The following FAM110B variants were observed in gnomAD, a reference collection of about 807,000 sequenced individuals.
FAM110B encodes protein FAM110B.
A neutral mutation model predicts 20.4 loss-of-function variants in FAM110B; 6 were observed. That is an observed-to-expected ratio of 0.29 (90% CI 0.16 to 0.58). The LOEUF (loss-of-function observed/expected upper bound fraction) is 0.58, where lower values mean the gene tolerates loss of function less well. Among genes scored for constraint, FAM110B ranks in the 20% least tolerant of loss-of-function variants. The pLI is 0.90. For synonymous variants in FAM110B, 226 were observed against 214.1 expected (o/e 1.06, Z -0.49); for missense variants, 434 against 498.2 (o/e 0.87, Z 1.23).
intron 1 of FAM110B, among the ~76,000 whole-genome samples, chr8:58,018,546 T>A (rs1001356623): frequency 6.6e-6 from 1 of 152,190 alleles, no homozygotes; most frequent in Admixed American, 6.5e-5. Context: ...GTGCTTTTTT[T>A]ATTCAGTCTT....
intron 2 of FAM110B, among the ~76,000 whole-genome samples, chr8:58,074,604 T>A (rs999387040): frequency 6.6e-6 from 1 of 152,218 alleles, no homozygotes; most frequent in Non-Finnish European, 1.5e-5. Flanking sequence ...AGGTTTTTCG[T>A]CTTAACCCCC....
At chr8:58,100,729 G>A (rs1176904627) in intron 3 of FAM110B, 1 of 152,232 alleles carries the variant, frequency 6.6e-6, no homozygotes, top group African/African-American at 2.4e-5. Context: ...ACTCCAGAAT[G>A]ACCTCCTGTT....
At chr8:58,018,288 C>T (rs7017824) in intron 1 of FAM110B, among the ~76,000 whole-genome samples, 23,663 of 152,012 alleles carry the variant, frequency 0.16, 2,265 homozygotes, top group African/African-American at 0.26. Context: ...TAGGTACATG[C>T]ACATTTAGAA....
rs1012079909 is a variant in FAM110B at position 57,994,656 on chromosome 8, C to T, written c.-662C>T. On this transcript the variant is annotated 5_prime_UTR_variant, in exon 1 of 4. Coordinates refer to ENST00000519262, the MANE Select transcript of FAM110B (RefSeq NM_001377989.1). The stretch of plus-strand genomic sequence containing the variant: ...GCCCCGTCTGCTCTCTACCCGCGGC[C>T]CCGCGGCGGCGACCGTGAACACTCG... The T allele has an allele frequency of 3.9e-5, 6 of 152,214 alleles. No individual in the cohort carries two copies. Among genetic ancestry groups the T allele is most frequent in the African/African-American group, 1.2e-4 (5 of 41,430 alleles). The allele number at this position is 152,214 out of a possible 1,614,324, so 9.4% of individuals were successfully genotyped here.
At chr8:58,117,492 T>C (rs1167335530) in intron 3 of FAM110B, among the ~76,000 whole-genome samples, 1 of 152,174 alleles carries the variant, frequency 6.6e-6, no homozygotes, top group African/African-American at 2.4e-5. Flanking sequence ...ATGGTAGTCA[T>C]GAGAAGCATC....
intron 1 of FAM110B, among the ~76,000 whole-genome samples, chr8:58,005,254 C>T (rs1247238962): frequency 2.0e-5 from 3 of 151,974 alleles, no homozygotes; most frequent in Admixed American, 1.3e-4. Context: ...GGGGCAGGGG[C>T]GGGGAGCAGT....
At chr8:58,004,145 A>G (rs866342254) in intron 1 of FAM110B, among the ~76,000 whole-genome samples, 2 of 152,170 alleles carry the variant, frequency 1.3e-5, no homozygotes, top group Non-Finnish European at 2.9e-5. Flanking sequence ...ACAGTTCACA[A>G]TAAGGTTCGT....
chr8:58,027,688 G>A (rs1312766315), intron 1 of FAM110B, among the ~76,000 whole-genome samples: 1 of 152,098 alleles, frequency 6.6e-6, no homozygotes, highest in Non-Finnish European at 1.5e-5. Context: ...ATATAAATGC[G>A]ATCATACGTG....
Position 58,000,626 on chromosome 8 carries a change from G to A in FAM110B, c.-512+5820G>A, listed in dbSNP as rs141433817. Among the ~76,000 whole-genome samples, 1,136 of 152,252 alleles carry A rather than the reference G, an allele frequency of 7.5e-3. 5 individuals are homozygous for A. Among genetic ancestry groups the A allele is most frequent in the Non-Finnish European group, 0.012 (814 of 68,038 alleles). On this transcript the variant is annotated intron_variant, in intron 1 of 3. Transcript: ENST00000519262. Reference sequence around the variant, plus strand: ...TTTAGTCACACACGTGCCCAGACATGTTAGTCAGTTTACTTTCTCTGGCTA... The same window carrying A: ...TTTAGTCACACACGTGCCCAGACATATTAGTCAGTTTACTTTCTCTGGCTA...
At chr8:58,050,686 C>T (rs948194908) in intron 2 of FAM110B, among the ~76,000 whole-genome samples, 1 of 152,148 alleles carries the variant, frequency 6.6e-6, no homozygotes, top group African/African-American at 2.4e-5. Context: ...TTTCTGTGAC[C>T]AGCCAAAGGA....
At chr8:58,074,425 C>G (rs942739010) in intron 2 of FAM110B, among the ~76,000 whole-genome samples, 1 of 152,168 alleles carries the variant, frequency 6.6e-6, no homozygotes, top group African/African-American at 2.4e-5. Context: ...TGCTGCTCCC[C>G]CTGCTGCCTG....
At chr8:58,012,634 G>A (rs1804561127) in intron 1 of FAM110B, among the ~76,000 whole-genome samples, 1 of 152,212 alleles carries the variant, frequency 6.6e-6, no homozygotes, top group Non-Finnish European at 1.5e-5. Context: ...CGGGCCTGTT[G>A]GGTGGTCACA....
At chr8:58,115,476 C>T (rs930830078) in intron 3 of FAM110B, among the ~76,000 whole-genome samples, 8 of 151,844 alleles carry the variant, frequency 5.3e-5, no homozygotes, top group Non-Finnish European at 8.8e-5. Flanking sequence ...TCACTGCAAC[C>T]TCCTCCTCCT....
intron 2 of FAM110B, among the ~76,000 whole-genome samples, chr8:58,073,346 A>G (rs1017234174): frequency 1.3e-5 from 2 of 152,152 alleles, no homozygotes; most frequent in African/African-American, 4.8e-5. Flanking sequence ...GAGGAGTGCC[A>G]GGGAGGGCTT....
intron 3 of FAM110B, among the ~76,000 whole-genome samples, chr8:58,121,548 C>T (rs968734507): frequency 6.6e-6 from 1 of 152,128 alleles, no homozygotes; most frequent in Non-Finnish European, 1.5e-5. Context: ...AATTATATAA[C>T]GTTGGGAGTC....
chr8:58,033,562 A>G (rs1197615821), intron 2 of FAM110B, among the ~76,000 whole-genome samples: 1 of 152,166 alleles, frequency 6.6e-6, no homozygotes, highest in African/African-American at 2.4e-5. Context: ...AAATGATTTC[A>G]ACAAGCAAAA....
At chr8:58,036,082 C>G (rs963225392) in intron 2 of FAM110B, among the ~76,000 whole-genome samples, 3 of 152,110 alleles carry the variant, frequency 2.0e-5, no homozygotes, top group Admixed American at 6.6e-5. Context: ...TCCTGTAGAC[C>G]CTTATATCAG....
At chr8:58,085,718 A>G (rs572644867) in intron 3 of FAM110B, among the ~76,000 whole-genome samples, 1 of 152,248 alleles carries the variant, frequency 6.6e-6, no homozygotes, top group East Asian at 1.9e-4. Context: ...TCCACCAGAT[A>G]TCTATTTTCT....
rs1806306654 is a variant in FAM110B at position 58,085,407 on chromosome 8, G to GGAGGCT, written c.-325+9790_-325+9795dup. 9.2e-5 allele frequency among the ~76,000 whole-genome samples: 14 copies of GGAGGCT among 152,322 alleles called. No individual in the cohort carries two copies. The South Asian group carries it at 2.9e-3, about 32-fold the overall frequency. On this transcript the variant is annotated intron_variant, in intron 3 of 3. Transcript: ENST00000519262. ...GGGTGCCTGTAATCCCAGCCACTCG[G>GGAGGCT]GAGGCTGAGGCAGGAGAATTGCTTG...
Sources: allele counts gnomAD v4.1 joint callset (sites outside exome capture counted in the v4.1 genomes callset), GRCh38; gene constraint gnomAD v4.1.1; transcripts MANE v1.5; gene names NCBI Gene and HGNC (gene_info 2026-07-23, HGNC 2026-07-21).